NECAP2: variants seen among roughly 807,000 people sequenced by gnomAD.
The protein encoded by NECAP2 is adaptin ear-binding coat-associated protein 2.
A neutral mutation model predicts 37.8 loss-of-function variants in NECAP2; 38 were observed. The ratio of observed to expected loss-of-function variants is 1.01; its 90% CI spans 0.78 to 1.32. NECAP2 has a LOEUF of 1.32. Among genes scored for constraint, NECAP2 ranks in the 40% most tolerant of loss-of-function variants. The probability of loss-of-function intolerance (pLI) is 0.00; values close to 1 mark genes in which losing one functional copy is unlikely to be tolerated. For synonymous variants in NECAP2, 121 were observed against 127.7 expected (o/e 0.95, Z 0.35); for missense variants, 316 against 334.5 (o/e 0.94, Z 0.43).
Position 16,451,967 on chromosome 1 carries a change from T to C in NECAP2, c.619T>C (p.Leu207=), listed in dbSNP as rs372749619. 57 of 1,611,376 alleles carry C rather than the reference T, an allele frequency of 3.5e-5. No homozygotes were observed. The African/African-American group carries it at 6.7e-4, about 19-fold the overall frequency. ...CCTGATCCCTCCCCCTGGGGAGCAG[T>C]TGGCTGTGGGGGGATCCCTCGTCCA... is the stretch of plus-strand genomic sequence containing the variant. The part of the protein sequence containing the change: ...STLIPPPGEQ[L]AVGGSLVQPA... Residue 207 remains leucine, a synonymous_variant, in exon 6 of 8, where the codon TTG becomes CTG. Coordinates refer to ENST00000337132, the MANE Select transcript of NECAP2 (RefSeq NM_018090.5).
chr1:16,441,984 T>TC (rs1356392335), intron 1 of NECAP2, among the ~76,000 whole-genome samples: 1 of 151,636 alleles, frequency 6.6e-6, no homozygotes, highest in African/African-American at 2.4e-5. Context: ...TGGGTCTTTT[T>TC]TTTTTTTTTT....
Position 16,447,871 on chromosome 1 carries a change from G to A in NECAP2, c.195G>A (p.Gly65=). The A allele has an allele frequency of 1.9e-6, 3 of 1,613,894 alleles. No individual in the cohort carries two copies. Among genetic ancestry groups the A allele is most frequent in the Non-Finnish European group, 2.5e-6 (3 of 1,179,802 alleles). ...GCTCAGCCTAACCTGTGCTTTCAGGGGAGCTCTTTGCTCAGGCCCCGGTGG... is the reference window on the plus strand; with the variant it reads ...GCTCAGCCTAACCTGTGCTTTCAGGAGAGCTCTTTGCTCAGGCCCCGGTGG... The part of the protein sequence containing the change: ...AYIKLEDRTS[G]ELFAQAPVDQ... Residue 65 remains glycine, a splice_region_variant and synonymous_variant, in exon 3 of 8, where the codon GGG becomes GGA. Coordinates refer to ENST00000337132, the MANE Select transcript of NECAP2 (RefSeq NM_018090.5).
At position 16,441,812 on chromosome 1, in the gene NECAP2, T is replaced by C. The variant is rs141958011; in HGVS notation, c.92+959T>C. 3.0e-3 allele frequency among the ~76,000 whole-genome samples: 455 copies of C among 152,318 alleles called. 3 individuals are homozygous for C. The highest frequency in any genetic ancestry group is 0.011 in the African/African-American group (444 of 41,572). On this transcript the variant is annotated intron_variant, in intron 1 of 7. Transcript: ENST00000337132. ...AGTTGTGTTACCGTGGGCTCATAGC[T>C]GATCTTATGGTGAAAAGATGCGTTA...
chr1:16,449,876 G>C, intron 5 of NECAP2: 1 of 234,486 alleles, frequency 4.3e-6, no homozygotes, highest in Non-Finnish European at 8.5e-6. Flanking sequence ...GGCTGGGCTG[G>C]GCTGGGCTGG....
At chr1:16,454,884 C>A (rs74055685) in intron 6 of NECAP2, among the ~76,000 whole-genome samples, 6,652 of 152,286 alleles carry the variant, frequency 0.044, 473 homozygotes, top group African/African-American at 0.15. Flanking sequence ...TCTAAGCATT[C>A]TGTGGATATT....
intron 4 of NECAP2, among the ~76,000 whole-genome samples, chr1:16,448,602 C>T (rs563210344): frequency 1.1e-4 from 17 of 152,280 alleles, no homozygotes; most frequent in Admixed American, 7.8e-4. Context: ...CTCACATGGG[C>T]GCCTCTGGCT....
chr1:16,458,911 A>G lies in NECAP2; in HGVS notation c.*21A>G. ...TCTGACCTGAGCACGGTTTTTCCTC[A>G]TGTGACTTCTGGGAAGGCGCTCCCT... is the stretch of plus-strand genomic sequence containing the variant. On this transcript the variant is annotated 3_prime_UTR_variant, in exon 8 of 8. Coordinates refer to ENST00000337132, the MANE Select transcript of NECAP2 (RefSeq NM_018090.5). 1 of 1,613,986 alleles carries G rather than the reference A, an allele frequency of 6.2e-7. No homozygotes were observed. The highest frequency in any genetic ancestry group is 8.5e-7 in the Non-Finnish European group (1 of 1,179,976).
chr1:16,452,016 G>A lies in NECAP2; in HGVS notation c.667+1G>A. The A allele has an allele frequency of 1.3e-6, 2 of 1,575,420 alleles. No individual in the cohort carries two copies. The highest frequency in any genetic ancestry group is 1.7e-6 in the Non-Finnish European group (2 of 1,161,064). ...CAGCCAGCAGTTGCTCCCAGTTCAG[G>A]TTAGTGCTCAGTGGGTGACTGCTGC... On this transcript the variant is annotated splice_donor_variant, in intron 6 of 7. Transcript: ENST00000337132. LOFTEE classifies it high-confidence loss of function.
At chr1:16,449,269 CT>C (rs1557688483) in intron 5 of NECAP2, 68 bp downstream of exon 5, 1 of 1,060,648 alleles carries the variant, frequency 9.4e-7, no homozygotes, top group Admixed American at 2.1e-5. Context: ...GAGCCCATTG[CT>C]CTTCTTACAG....
intron 6 of NECAP2, 48 bp from the exon 7 acceptor site, chr1:16,455,770 T>A: frequency 6.8e-7 from 1 of 1,477,864 alleles, no homozygotes; most frequent in Non-Finnish European, 9.5e-7. Flanking sequence ...CTCTGACTTC[T>A]CTGTCCCCTC....
intron 2 of NECAP2, 146 bp from the exon 3 acceptor site, chr1:16,447,724 A>G: frequency 3.0e-6 from 2 of 659,850 alleles, no homozygotes; most frequent in Middle Eastern, 3.4e-4. Flanking sequence ...GCAAGAATGG[A>G]TTCGATTTGA....
rs913590691 is a variant in NECAP2, at chr1:16,442,696, G to A, written c.93-936G>A. The stretch of plus-strand genomic sequence containing the variant: ...TAATCCCAACACTTTGGGAAGCCTC[G>A]GTGGAAGGATCCCTTGAGCCCAAGA... On this transcript the variant is annotated intron_variant, in intron 1 of 7. Coordinates refer to ENST00000337132, the MANE Select transcript of NECAP2 (RefSeq NM_018090.5). Among the ~76,000 whole-genome samples, 4 of 152,306 alleles carry A rather than the reference G, an allele frequency of 2.6e-5. No homozygotes were observed. The East Asian group carries it at 7.7e-4, about 29-fold the overall frequency.
At chr1:16,445,572 A>G (rs890018271) in intron 2 of NECAP2, among the ~76,000 whole-genome samples, 1 of 152,232 alleles carries the variant, frequency 6.6e-6, no homozygotes, top group African/African-American at 2.4e-5. Context: ...CACAGACTCT[A>G]GGGCTGTTGG....
chr1:16,447,412 G>T (rs929675578), intron 2 of NECAP2, among the ~76,000 whole-genome samples: 3 of 152,198 alleles, frequency 2.0e-5, no homozygotes, highest in Non-Finnish European at 4.4e-5. Context: ...TCTTTCCTCG[G>T]GGCTCACTGG....
chr1:16,446,759 G>A (rs764238921), intron 2 of NECAP2, among the ~76,000 whole-genome samples: 1 of 152,088 alleles, frequency 6.6e-6, no homozygotes, highest in East Asian at 1.9e-4. Flanking sequence ...GCTCATGCTA[G>A]TCTCAAATTC....
At position 16,449,256 on chromosome 1, in the gene NECAP2, C is replaced by G. The variant is rs1052601006; in HGVS notation, c.489+55C>G. ...ACGTGATACTTGTGGCCACCCAGCC[C>G]CAGAGCCCATTGCTCTTCTTACAGT... is the stretch of plus-strand genomic sequence containing the variant. On this transcript the variant is annotated intron_variant, in intron 5 of 7. Coordinates refer to ENST00000337132, the MANE Select transcript of NECAP2 (RefSeq NM_018090.5). 1.1e-5 allele frequency: 13 copies of G among 1,232,318 alleles called. No homozygotes were observed. In the African/African-American group the frequency reaches 1.9e-4, roughly 18 times the overall value. The allele number at this position is 1,232,318 out of a possible 1,614,324, so 76.3% of individuals were successfully genotyped here.
chr1:16,451,701 G>C (rs189919192), intron 5 of NECAP2, 137 bp from the exon 6 acceptor site: 1 of 770,796 alleles, frequency 1.3e-6, no homozygotes, highest in East Asian at 2.5e-5. Flanking sequence ...CATAGCAATG[G>C]AGGTGCTAGG....
intron 5 of NECAP2, chr1:16,450,266 T>C (rs2100958368): frequency 2.7e-6 from 1 of 371,912 alleles, no homozygotes; most frequent in East Asian, 8.2e-5. Context: ...TTGTTTTGTT[T>C]TGTTTTTTGT....
chr1:16,458,513 C>G (rs2086961739), intron 7 of NECAP2, among the ~76,000 whole-genome samples: 1 of 151,972 alleles, frequency 6.6e-6, no homozygotes, highest in South Asian at 2.1e-4. Context: ...ATCGCTTGAG[C>G]TCAAGAGGTT....
Sources: gnomAD v4.1 joint callset for allele counts (sites outside exome capture counted in the v4.1 genomes callset) on GRCh38, gnomAD v4.1.1 for gene constraint, MANE v1.5 for transcripts, NCBI Gene and HGNC (gene_info 2026-07-23, HGNC 2026-07-21) for gene names.